RAB3IL1: variants seen among roughly 807,000 people sequenced by gnomAD.
The protein encoded by RAB3IL1 is guanine nucleotide exchange factor for Rab-3A.
A neutral mutation model predicts 49.2 loss-of-function variants in RAB3IL1; 37 were observed. The ratio of observed to expected loss-of-function variants is 0.75; its 90% CI spans 0.58 to 0.99. The LOEUF (loss-of-function observed/expected upper bound fraction) is 0.99, where lower values mean the gene tolerates loss of function less well. RAB3IL1 is among the 50% of genes least tolerant of loss of function. The pLI is 0.00. For missense variants in RAB3IL1, 484 were observed against 513.0 expected, an observed-to-expected ratio of 0.94 and a Z score of 0.55; for synonymous variants, 193 against 213.9, an observed-to-expected ratio of 0.90 and a Z score of 0.85.
At chr11:61,901,552 G>A (rs1175585473) in intron 8 of RAB3IL1, among the ~76,000 whole-genome samples, 2 of 152,238 alleles carry the variant, frequency 1.3e-5, no homozygotes, top group African/African-American at 4.8e-5. Flanking sequence ...GGGGGGCGAT[G>A]TCATCCCATG....
the RAB3IL1 span, among the ~76,000 whole-genome samples, chr11:61,929,606 A>ATTT: frequency 2.7e-5 from 4 of 145,764 alleles, no homozygotes; most frequent in Admixed American, 6.9e-5. Context: ...TTTTTTTTTG[A>ATTT]GACAGAGTCT....
chr11:61,925,623 A>C, the RAB3IL1 span, among the ~76,000 whole-genome samples: 1 of 113,560 alleles, frequency 8.8e-6, no homozygotes, highest in African/African-American at 3.1e-5. Context: ...CAACAGAGCA[A>C]GACTGTGTCT....
chr11:61,943,648 G>T, the RAB3IL1 span, among the ~76,000 whole-genome samples: 1 of 152,048 alleles, frequency 6.6e-6, no homozygotes, highest in South Asian at 2.1e-4. Flanking sequence ...TGAAAAAATG[G>T]GCAAAAGACT....
upstream of RAB3IL1, among the ~76,000 whole-genome samples, chr11:61,918,384 G>A (rs979939575): frequency 1.3e-5 from 2 of 152,256 alleles, no homozygotes; most frequent in African/African-American, 4.8e-5. Flanking sequence ...TGGGAGCGTG[G>A]TGGGAGGTAC....
At chr11:61,928,363 A>C in the RAB3IL1 span, among the ~76,000 whole-genome samples, 1 of 152,206 alleles carries the variant, frequency 6.6e-6, no homozygotes, top group South Asian at 2.1e-4. Flanking sequence ...AAATACATGG[A>C]GCTAGGACCC....
At chr11:61,945,571 G>A in the RAB3IL1 span, among the ~76,000 whole-genome samples, 4 of 152,146 alleles carry the variant, frequency 2.6e-5, no homozygotes, top group Non-Finnish European at 4.4e-5. Context: ...TTCACAGCAC[G>A]TCAAACTCAA....
intron 5 of RAB3IL1, among the ~76,000 whole-genome samples, chr11:61,905,982 C>A (rs1456895355): frequency 2.0e-5 from 3 of 152,216 alleles, no homozygotes; most frequent in African/African-American, 7.2e-5. Flanking sequence ...TCTCCAAAGG[C>A]CACGCTTGTC....
At chr11:61,903,451 G>A (rs777965324) in intron 7 of RAB3IL1, among the ~76,000 whole-genome samples, 1 of 152,104 alleles carries the variant, frequency 6.6e-6, no homozygotes, top group African/African-American at 2.4e-5. Flanking sequence ...ACTTATCAGA[G>A]CATTTGTTGC....
chr11:61,902,469 G>A lies in RAB3IL1; in HGVS notation c.972C>T (p.Tyr324=). The A allele has an allele frequency of 6.2e-7, 1 of 1,600,892 alleles. No homozygotes were observed. Among genetic ancestry groups the A allele is most frequent in the Non-Finnish European group, 8.5e-7 (1 of 1,175,618 alleles). ...RIRLGDSKSH[Y]YISPSSRARI... is the part of the protein sequence containing the mutation. ...TGGCCCGGGAAGATGGCGAGATGTA[G>A]TAATGGCTTTTGGAGTCCCCGAGCC... The change falls in exon 8 of 10, where the codon TAC becomes TAT. Residue 324 remains tyrosine, a synonymous_variant. Transcript: ENST00000394836.
the RAB3IL1 span, among the ~76,000 whole-genome samples, chr11:61,929,899 T>C: frequency 4.4e-4 from 61 of 137,332 alleles, no homozygotes; most frequent in African/African-American, 1.6e-3. Flanking sequence ...TTTTTTTTTT[T>C]TTTTTTTTTT....
chr11:61,931,755 C>A, the RAB3IL1 span, among the ~76,000 whole-genome samples: 1 of 152,078 alleles, frequency 6.6e-6, no homozygotes, highest in Non-Finnish European at 1.5e-5. Context: ...TGAAAGTAAA[C>A]ATTCACAGAA....
chr11:61,913,112 C>T (rs1029165191), intron 1 of RAB3IL1, among the ~76,000 whole-genome samples: 8 of 151,916 alleles, frequency 5.3e-5, no homozygotes, highest in Admixed American at 1.3e-4. Flanking sequence ...GATGGGGTGA[C>T]GCTGTCGAGT....
the RAB3IL1 span, among the ~76,000 whole-genome samples, chr11:61,933,927 A>G: frequency 6.6e-6 from 1 of 152,128 alleles, no homozygotes; most frequent in African/African-American, 2.4e-5. Flanking sequence ...CCTGGGTAAC[A>G]GAGCAAGACC....
chr11:61,899,244 C>T (rs1938772570), intron 9 of RAB3IL1, 70 bp downstream of exon 9: 1 of 1,505,144 alleles, frequency 6.6e-7, no homozygotes, highest in Non-Finnish European at 9.0e-7. Context: ...CAGGTGGGCC[C>T]AGAGGGCACT....
At chr11:61,931,834 G>C in the RAB3IL1 span, among the ~76,000 whole-genome samples, 1 of 152,126 alleles carries the variant, frequency 6.6e-6, no homozygotes, top group African/African-American at 2.4e-5. Flanking sequence ...CAATGAGTAA[G>C]GTTGGAAGAC....
At chr11:61,942,130 G>A in the RAB3IL1 span, among the ~76,000 whole-genome samples, 1 of 152,094 alleles carries the variant, frequency 6.6e-6, no homozygotes, top group Non-Finnish European at 1.5e-5. Context: ...AGAATCGCTT[G>A]AAACCAGAAG....
At chr11:61,903,780 C>T (rs1939038218) in intron 7 of RAB3IL1, among the ~76,000 whole-genome samples, 1 of 152,156 alleles carries the variant, frequency 6.6e-6, no homozygotes, top group Non-Finnish European at 1.5e-5. Context: ...CCGCCTCAAC[C>T]TCCCAGAGTG....
chr11:61,897,973 TC>T lies in RAB3IL1; in HGVS notation c.*304del, dbSNP rs1199154591. ...GGCGCTGGCTGCCTCAGGTGTCCCCTCCCAAGGGCTGAGGCCCCCCGAGTAT... is the reference window on the plus strand; with the variant it reads ...GGCGCTGGCTGCCTCAGGTGTCCCCTCCAAGGGCTGAGGCCCCCCGAGTAT... On this transcript the variant is annotated 3_prime_UTR_variant, in exon 10 of 10. Coordinates refer to ENST00000394836, the MANE Select transcript of RAB3IL1 (RefSeq NM_013401.4). 9.0e-6 allele frequency: 3 copies of T among 331,518 alleles called. No individual in the cohort carries two copies. In the Admixed American group the frequency reaches 1.4e-4, roughly 16 times the overall value. The allele number at this position is 331,518 out of a possible 1,614,324, so 20.5% of individuals were successfully genotyped here. A position where few individuals can be genotyped will look rare whatever the true frequency, so the allele number is the denominator to read the frequency against.
At chr11:61,933,554 T>C in the RAB3IL1 span, among the ~76,000 whole-genome samples, 107 of 152,164 alleles carry the variant, frequency 7.0e-4, no homozygotes, top group African/African-American at 2.5e-3. Flanking sequence ...TTTGTTACAA[T>C]TATCATTAAA....
Sources: allele counts gnomAD v4.1 joint callset (sites outside exome capture counted in the v4.1 genomes callset), GRCh38; gene constraint gnomAD v4.1.1; transcripts MANE v1.5; gene names NCBI Gene and HGNC (gene_info 2026-07-23, HGNC 2026-07-21).